HGSNAT: variants seen among roughly 807,000 people sequenced by gnomAD.
HGSNAT encodes transmembrane protein 76.
In HGSNAT, 59 loss-of-function variants were observed where a neutral mutation model predicts 85.2. That is an observed-to-expected ratio of 0.69 (90% CI 0.56 to 0.86). The LOEUF is 0.86. HGSNAT is among the 40% of genes least tolerant of loss of function. The pLI, the probability that HGSNAT is intolerant of heterozygous loss-of-function variation, is 0.00. For missense variants in HGSNAT, 756 were observed against 777.1 expected, an observed-to-expected ratio of 0.97 and a Z score of 0.32; for synonymous variants, 321 against 304.5, an observed-to-expected ratio of 1.05 and a Z score of -0.56.
chr8:43,162,405 G>A (rs1803294263), intron 5 of HGSNAT, among the ~76,000 whole-genome samples: 1 of 152,324 alleles, frequency 6.6e-6, no homozygotes, highest in South Asian at 2.1e-4. Flanking sequence ...AGAAGCCGGT[G>A]TGTAACCTGT....
chr8:43,183,243 T>C (rs1214159024), intron 11 of HGSNAT, among the ~76,000 whole-genome samples: 2 of 152,128 alleles, frequency 1.3e-5, no homozygotes, highest in South Asian at 2.1e-4. Flanking sequence ...CTCAACTCAC[T>C]GTTGCCTTAA....
intron 2 of HGSNAT, among the ~76,000 whole-genome samples, chr8:43,151,359 T>G (rs1393713945): frequency 6.6e-6 from 1 of 152,188 alleles, no homozygotes; most frequent in Non-Finnish European, 1.5e-5. Flanking sequence ...CCTGTGAAGC[T>G]GGAAAAATAA....
intron 11 of HGSNAT, among the ~76,000 whole-genome samples, chr8:43,183,320 C>T (rs1029699587): frequency 3.9e-5 from 6 of 152,056 alleles, no homozygotes; most frequent in Non-Finnish European, 2.9e-5. Flanking sequence ...GCATGCACTA[C>T]CATGCCCAGT....
chr8:43,195,503 G>A (rs1394274727), intron 14 of HGSNAT, among the ~76,000 whole-genome samples: 8 of 149,712 alleles, frequency 5.3e-5, no homozygotes, highest in Admixed American at 2.7e-4. Context: ...AGGAAGAGGA[G>A]GAGGAGGAGG....
rs1803885464 is a variant in HGSNAT, at chr8:43,178,276, T to G, written c.1012+42T>G. The G allele has an allele frequency of 1.5e-6, 2 of 1,358,328 alleles. 1 individual carries two copies. The highest frequency in any genetic ancestry group is 3.7e-5 in the South Asian group (2 of 54,722). The allele number at this position is 1,358,328 out of a possible 1,614,324, so 84.1% of individuals were successfully genotyped here. On this transcript the variant is annotated intron_variant, in intron 10 of 17. Coordinates refer to ENST00000379644, the MANE Select transcript of HGSNAT (RefSeq NM_152419.3). ...TCTGTTATATATATTCAGGTTGAAA[T>G]ATGGAAACTATATGTTGTAATTTGA...
chr8:43,195,538 A>T (rs1338023308), intron 14 of HGSNAT, among the ~76,000 whole-genome samples: 23 of 141,570 alleles, frequency 1.6e-4, no homozygotes, highest in African/African-American at 5.3e-4. Flanking sequence ...GAAGAGGAGG[A>T]GGGAGTAGAG....
intron 14 of HGSNAT, 155 bp from the exon 15 acceptor site, chr8:43,196,793 G>A: frequency 1.6e-6 from 1 of 632,622 alleles, no homozygotes; most frequent in South Asian, 1.9e-5. Context: ...CTAGTCAAAG[G>A]CAGAGGTGAT....
chr8:43,176,303 C>G (rs1803809002), intron 9 of HGSNAT, among the ~76,000 whole-genome samples: 1 of 152,142 alleles, frequency 6.6e-6, no homozygotes, highest in Non-Finnish European at 1.5e-5. Flanking sequence ...TTTGAAGAGA[C>G]TGTCCTTTCT....
chr8:43,160,550 T>G (rs1803237072), intron 4 of HGSNAT, among the ~76,000 whole-genome samples: 1 of 152,178 alleles, frequency 6.6e-6, no homozygotes, highest in South Asian at 2.1e-4. Flanking sequence ...AGTTTTAGAT[T>G]TGTAGAAGTG....
intron 7 of HGSNAT, among the ~76,000 whole-genome samples, chr8:43,171,416 A>G (rs1453553963): frequency 6.6e-6 from 1 of 152,126 alleles, no homozygotes; most frequent in African/African-American, 2.4e-5. Flanking sequence ...CACTGTTCTA[A>G]CTCGTCTTAA....
intron 7 of HGSNAT, among the ~76,000 whole-genome samples, chr8:43,171,733 A>C (rs1038201754): frequency 1.3e-5 from 2 of 152,240 alleles, no homozygotes; most frequent in Non-Finnish European, 2.9e-5. Flanking sequence ...GGTCACAGAT[A>C]GACAGGAACT....
intron 1 of HGSNAT, among the ~76,000 whole-genome samples, chr8:43,142,261 C>T (rs565488509): frequency 2.2e-4 from 34 of 151,984 alleles, no homozygotes; most frequent in Non-Finnish European, 4.4e-4. Context: ...CGAGGTAGAC[C>T]AGAGGAGAGA....
intron 2 of HGSNAT, among the ~76,000 whole-genome samples, chr8:43,149,169 T>A (rs972035995): frequency 2.0e-5 from 3 of 151,544 alleles, no homozygotes; most frequent in Admixed American, 2.0e-4. Flanking sequence ...TACACGAGAC[T>A]GTTTTAAGAA....
chr8:43,185,202 C>T (rs1049703162), intron 11 of HGSNAT, among the ~76,000 whole-genome samples: 1 of 152,138 alleles, frequency 6.6e-6, no homozygotes, highest in African/African-American at 2.4e-5. Context: ...ATGGGGATGG[C>T]ATTGAATCTA....
At chr8:43,159,588 A>G (rs987376829) in intron 4 of HGSNAT, among the ~76,000 whole-genome samples, 8 of 152,040 alleles carry the variant, frequency 5.3e-5, no homozygotes, top group African/African-American at 1.9e-4. Flanking sequence ...ACCTTGTCTC[A>G]AAAAAAATTA....
intron 13 of HGSNAT, 49 bp downstream of exon 13, chr8:43,192,479 G>A (rs1804574218): frequency 6.5e-7 from 1 of 1,544,234 alleles, no homozygotes. Context: ...GCTTTCAGAA[G>A]TGAAGGAAAG....
At chr8:43,142,618 T>C (rs750173180) in intron 1 of HGSNAT, among the ~76,000 whole-genome samples, 196 of 152,014 alleles carry the variant, frequency 1.3e-3, no homozygotes, top group Non-Finnish European at 1.5e-3. Flanking sequence ...CTTTGGGAGG[T>C]TCGTTGTTTT....
chr8:43,197,741 T>C lies in HGSNAT; in HGVS notation c.1612T>C (p.Trp538Arg), dbSNP rs1203092226. The C allele has an allele frequency of 6.2e-7, 1 of 1,611,494 alleles. No homozygotes were observed. Among genetic ancestry groups the C allele is most frequent in the Non-Finnish European group, 8.5e-7 (1 of 1,177,582 alleles). The change falls in exon 16 of 18, where the codon TGG becomes CGG. Residue 538 changes from tryptophan to arginine, a missense_variant and splice_region_variant. By Grantham distance (101) the Trp-to-Arg change is moderately radical. Coordinates refer to ENST00000379644, the MANE Select transcript of HGSNAT (RefSeq NM_152419.3). Reference protein sequence around the residue: ...EGFIPVNKNLWSLSYVTTLSS... With the variant: ...EGFIPVNKNLRSLSYVTTLSS... Reference sequence around the variant, plus strand: ...CTTTATTCCAGTAAACAAAAATCTCTGGTATGTATGGAAAAAGCATGATTT... The same window carrying C: ...CTTTATTCCAGTAAACAAAAATCTCCGGTATGTATGGAAAAAGCATGATTT...
chr8:43,179,267 G>A (rs1450404026), intron 10 of HGSNAT, among the ~76,000 whole-genome samples: 25 of 151,740 alleles, frequency 1.6e-4, no homozygotes, highest in South Asian at 4.1e-4. Context: ...CTCCCGGACG[G>A]GGCGGCTGGC....
Sources: allele counts gnomAD v4.1 joint callset (sites outside exome capture counted in the v4.1 genomes callset), GRCh38; gene constraint gnomAD v4.1.1; transcripts MANE v1.5; gene names NCBI Gene and HGNC (gene_info 2026-07-23, HGNC 2026-07-21).